The following TMEM117 variants were observed in gnomAD, a reference collection of about 807,000 sequenced individuals.
TMEM117 encodes transmembrane protein 117.
A neutral mutation model predicts 52.4 loss-of-function variants in TMEM117; 27 were observed. The observed-to-expected ratio is 0.51, with a 90% CI of 0.38 to 0.71. The LOEUF is 0.71. TMEM117 is among the 30% of genes least tolerant of loss of function. The pLI is 0.00. For missense variants in TMEM117, 556 were observed against 630.5 expected (o/e 0.88, Z 1.26); for synonymous variants, 215 against 206.3 (o/e 1.04, Z -0.36).
chr12:44,071,590 A>G (rs996494241), intron 3 of TMEM117, among the ~76,000 whole-genome samples: 3 of 152,182 alleles, frequency 2.0e-5, no homozygotes, highest in African/African-American at 7.2e-5. Flanking sequence ...ACTACTTACA[A>G]TCAGTATTCA....
chr12:44,342,227 C>T (rs1002380271), intron 6 of TMEM117, among the ~76,000 whole-genome samples: 4 of 152,244 alleles, frequency 2.6e-5, no homozygotes, highest in South Asian at 2.1e-4. Context: ...ATTACCTTTT[C>T]GATTTAGCTT....
chr12:44,234,174 G>A (rs886619472), intron 5 of TMEM117, among the ~76,000 whole-genome samples: 1 of 151,402 alleles, frequency 6.6e-6, no homozygotes, highest in Non-Finnish European at 1.5e-5. Context: ...TATAAAAATA[G>A]TTATTGATTT....
chr12:43,963,376 C>T (rs1203788797), intron 3 of TMEM117, among the ~76,000 whole-genome samples: 2 of 151,996 alleles, frequency 1.3e-5, no homozygotes, highest in African/African-American at 4.8e-5. Context: ...TTATGAGTAA[C>T]AAAGAGATAC....
intron 3 of TMEM117, among the ~76,000 whole-genome samples, chr12:44,128,157 A>G (rs1346596395): frequency 6.6e-6 from 1 of 152,184 alleles, no homozygotes; most frequent in African/African-American, 2.4e-5. Context: ...TGCCTGCTGC[A>G]CTGGGCATTC....
chr12:43,909,686 C>A (rs1453499181), intron 2 of TMEM117, among the ~76,000 whole-genome samples: 1 of 152,000 alleles, frequency 6.6e-6, no homozygotes, highest in Non-Finnish European at 1.5e-5. Flanking sequence ...CACAGAAATG[C>A]AAACTACCAT....
chr12:44,231,247 T>C lies in TMEM117; in HGVS notation c.608+19860T>C, dbSNP rs572557679. On this transcript the variant is annotated intron_variant, in intron 5 of 7. Transcript: ENST00000266534. ...CTCTTTTTGAAATAAATAACCACAC[T>C]CTGTGTTTTCCTTTTTTCACTCATA... Among the ~76,000 whole-genome samples the C allele has an allele frequency of 1.1e-4, 17 of 151,908 alleles. 1 individual carries two copies. The highest frequency in any genetic ancestry group is 2.6e-4 in the Admixed American group (4 of 15,218).
chr12:43,797,700 T>C, the TMEM117 span: 1 of 1,610,996 alleles, frequency 6.2e-7, no homozygotes, highest in Non-Finnish European at 8.5e-7. Context: ...TCATTATACA[T>C]CTCTTACCAA....
chr12:44,283,085 C>T lies in TMEM117; in HGVS notation c.609-16495C>T, dbSNP rs572642609. Among the ~76,000 whole-genome samples, 8 of 152,378 alleles carry T rather than the reference C, an allele frequency of 5.3e-5. No individual in the cohort carries two copies. In the South Asian group the frequency reaches 8.3e-4, roughly 16 times the overall value. On this transcript the variant is annotated intron_variant, in intron 5 of 7. Transcript: ENST00000266534. Reference sequence around the variant, plus strand: ...TCAAGAATTGAGGTTTGGGAAACTCCGCCTAGATTTCAGAAGATGTATGGA... The same window carrying T: ...TCAAGAATTGAGGTTTGGGAAACTCTGCCTAGATTTCAGAAGATGTATGGA...
chr12:44,258,307 A>G lies in TMEM117; in HGVS notation c.609-41273A>G, dbSNP rs528654119. The stretch of plus-strand genomic sequence containing the variant: ...TTAGTTCCTCTTACCTCAGGTAATT[A>G]CTGTCTATGTATAATGAGCAGCCGT... On this transcript the variant is annotated intron_variant, in intron 5 of 7. Coordinates refer to ENST00000266534, the MANE Select transcript of TMEM117 (RefSeq NM_032256.3). 2.6e-5 allele frequency among the ~76,000 whole-genome samples: 4 copies of G among 152,246 alleles called. No homozygotes were observed. The South Asian group carries it at 8.3e-4, about 32-fold the overall frequency.
At chr12:44,066,559 C>G (rs1420873741) in intron 3 of TMEM117, among the ~76,000 whole-genome samples, 1 of 152,108 alleles carries the variant, frequency 6.6e-6, no homozygotes, top group Non-Finnish European at 1.5e-5. Flanking sequence ...CTTGGTTTCC[C>G]AATGCGTATA....
intron 5 of TMEM117, among the ~76,000 whole-genome samples, chr12:44,291,570 TC>T (rs2138622280): frequency 6.6e-6 from 1 of 152,162 alleles, no homozygotes; most frequent in Admixed American, 6.6e-5. Flanking sequence ...CTTTTCTTGT[TC>T]CTGATCTTAA....
the TMEM117 span, chr12:43,802,297 C>A: frequency 1.9e-5 from 29 of 1,545,476 alleles, no homozygotes; most frequent in Non-Finnish European, 2.3e-5. Context: ...TGAGAATGAT[C>A]TGGAGACCAT....
intron 6 of TMEM117, among the ~76,000 whole-genome samples, chr12:44,339,058 A>G (rs960166612): frequency 6.6e-6 from 1 of 152,092 alleles, no homozygotes; most frequent in African/African-American, 2.4e-5. Flanking sequence ...CTACAGTAGC[A>G]AAATGACTAC....
downstream of TMEM117, among the ~76,000 whole-genome samples, chr12:44,392,776 T>C (rs1952167431): frequency 6.6e-6 from 1 of 150,510 alleles, no homozygotes; most frequent in Admixed American, 6.6e-5. Context: ...ATGCGGCTTC[T>C]TAAACATTCT....
chr12:44,063,292 C>T (rs1471570910), intron 3 of TMEM117, among the ~76,000 whole-genome samples: 1 of 152,126 alleles, frequency 6.6e-6, no homozygotes, highest in African/African-American at 2.4e-5. Flanking sequence ...CATTAAATCC[C>T]TCATTGACAG....
At chr12:43,832,547 T>G (rs1942988782), upstream of TMEM117, among the ~76,000 whole-genome samples, 1 of 152,212 alleles carries the variant, frequency 6.6e-6, no homozygotes, top group Admixed American at 6.5e-5. Context: ...GATCTGGGGA[T>G]TCCTATTGTA....
chr12:43,834,686 C>T (rs115535864), upstream of TMEM117, among the ~76,000 whole-genome samples: 1,179 of 152,222 alleles, frequency 7.7e-3, 13 homozygotes, highest in African/African-American at 0.026. Flanking sequence ...AATGACATTT[C>T]GGTTCTGATG....
chr12:44,353,722 A>G (rs1179255342), intron 6 of TMEM117, among the ~76,000 whole-genome samples: 1 of 152,178 alleles, frequency 6.6e-6, no homozygotes, highest in Non-Finnish European at 1.5e-5. Context: ...GTTTGAAGTC[A>G]GGTAGCGTGA....
At chr12:43,827,748 AT>A in the TMEM117 span, among the ~76,000 whole-genome samples, 1 of 152,292 alleles carries the variant, frequency 6.6e-6, no homozygotes, top group African/African-American at 2.4e-5. Context: ...CCCACCCAAA[AT>A]TCATGTCCAC....
Sources: allele counts gnomAD v4.1 joint callset (sites outside exome capture counted in the v4.1 genomes callset), GRCh38; gene constraint gnomAD v4.1.1; transcripts MANE v1.5; gene names NCBI Gene and HGNC (gene_info 2026-07-23, HGNC 2026-07-21).